Variants in KLF8 observed in about 807,000 individuals in gnomAD.
KLF8 encodes the protein KLF transcription factor 8, also known as Krueppel-like factor 8.
KLF8 carries 10 observed loss-of-function variants against 18.2 expected under a neutral mutation model. The ratio of observed to expected loss-of-function variants is 0.55; its 90% CI spans 0.34 to 0.93. KLF8 has a LOEUF of 0.93. KLF8 is among the 40% of genes least tolerant of loss of function. The pLI is 0.02. For missense variants in KLF8, 264 were observed against 277.9 expected, an observed-to-expected ratio of 0.95 and a Z score of 0.36; for synonymous variants, 109 against 97.3, an observed-to-expected ratio of 1.12 and a Z score of -0.71.
chrX:56,058,287 T>TATATATATATATAC, the KLF8 span, among the ~76,000 whole-genome samples: 3 of 40,533 alleles, frequency 7.4e-5, no homozygotes, highest in African/African-American at 2.1e-4. Flanking sequence ...TACATATATA[T>TATATATATATATAC]ATATATATAT....
the KLF8 span, among the ~76,000 whole-genome samples, chrX:55,967,373 GAAAC>G: frequency 6.4e-5 from 7 of 109,675 alleles, no homozygotes; most frequent in Non-Finnish European, 1.1e-4. Flanking sequence ...CAAGAGAAAA[GAAAC>G]AAATAATATA....
chrX:55,910,461 G>A, the KLF8 span, among the ~76,000 whole-genome samples: 7 of 111,471 alleles, frequency 6.3e-5, no homozygotes, highest in African/African-American at 2.3e-4. Flanking sequence ...GAGGGAGCCA[G>A]CCGTGAGAAT....
chrX:56,054,267 G>C, the KLF8 span, among the ~76,000 whole-genome samples: 10 of 111,491 alleles, frequency 9.0e-5, no homozygotes, highest in South Asian at 3.7e-3. Flanking sequence ...CTGTATTCTA[G>C]AGATTCTGGG....
At chrX:56,091,367 G>A in the KLF8 span, among the ~76,000 whole-genome samples, 482 of 111,150 alleles carry the variant, frequency 4.3e-3, 2 homozygotes, top group African/African-American at 0.014. Flanking sequence ...CTCCCCAGCC[G>A]TGTGGAACTG....
At chrX:56,098,249 T>C in the KLF8 span, among the ~76,000 whole-genome samples, 1 of 111,966 alleles carries the variant, frequency 8.9e-6, no homozygotes, top group African/African-American at 3.2e-5. Flanking sequence ...CTTGAACTTT[T>C]CCAGACATCA....
chrX:56,018,099 G>A, the KLF8 span, among the ~76,000 whole-genome samples: 1 of 111,175 alleles, frequency 9.0e-6, no homozygotes, highest in East Asian at 2.8e-4. Flanking sequence ...AACTATAGTG[G>A]CCCTATTGTG....
the KLF8 span, among the ~76,000 whole-genome samples, chrX:56,004,462 G>A: frequency 0.035 from 3,902 of 111,548 alleles, 153 homozygotes; most frequent in African/African-American, 0.12. Flanking sequence ...ATAATGACAG[G>A]TGCTTTTAGT....
the KLF8 span, among the ~76,000 whole-genome samples, chrX:56,187,560 G>C: frequency 9.0e-6 from 1 of 111,505 alleles, no homozygotes; most frequent in African/African-American, 3.3e-5. Flanking sequence ...GCCGGGCAGA[G>C]ACACAACCAA....
chrX:55,919,527 G>A, the KLF8 span, among the ~76,000 whole-genome samples: 2 of 111,653 alleles, frequency 1.8e-5, no homozygotes, highest in African/African-American at 3.2e-5. Context: ...TGATGTTGGC[G>A]GGGGCATGGG....
chrX:56,074,938 G>T, the KLF8 span: 1 of 111,178 alleles, frequency 9.0e-6, no homozygotes, highest in African/African-American at 3.3e-5. Flanking sequence ...TATATTTTAG[G>T]TATTCTTTAT....
Position 56,290,885 on chromosome X carries a change from C to T in KLF8, c.*6391C>T, listed in dbSNP as rs977168064. On this transcript the variant is annotated 3_prime_UTR_variant, in exon 6 of 6. Coordinates refer to ENST00000468660, the MANE Select transcript of KLF8 (RefSeq NM_007250.5). Reference sequence around the variant, plus strand: ...TCCTTTTCTGGTGTTGGGGTGGGGTCAGGGGAAGAGATACTATTTTGTTAA... The same window carrying T: ...TCCTTTTCTGGTGTTGGGGTGGGGTTAGGGGAAGAGATACTATTTTGTTAA... Among the ~76,000 whole-genome samples the T allele has an allele frequency of 1.8e-5, 2 of 111,234 alleles. No homozygotes were observed. Among genetic ancestry groups the T allele is most frequent in the African/African-American group, 3.3e-5 (1 of 30,519 alleles).
At chrX:56,049,545 C>T in the KLF8 span, among the ~76,000 whole-genome samples, 6 of 106,679 alleles carry the variant, frequency 5.6e-5, no homozygotes, top group African/African-American at 1.7e-4. Flanking sequence ...TTGTCTTTGG[C>T]TCTGTTTATA....
the KLF8 span, among the ~76,000 whole-genome samples, chrX:55,915,549 AC>A: frequency 8.9e-6 from 1 of 112,171 alleles, no homozygotes; most frequent in African/African-American, 3.2e-5. Context: ...TCAAGGGTTC[AC>A]AAGTCACATT....
chrX:55,942,085 C>G, the KLF8 span, among the ~76,000 whole-genome samples: 1 of 111,535 alleles, frequency 9.0e-6, no homozygotes, highest in Non-Finnish European at 1.9e-5. Flanking sequence ...GATTGTGGCA[C>G]TATTCACAAT....
chrX:55,960,315 A>C, the KLF8 span, among the ~76,000 whole-genome samples: 2 of 111,458 alleles, frequency 1.8e-5, no homozygotes, highest in Non-Finnish European at 3.8e-5. Context: ...TCAGGAGTTC[A>C]AAACCAGCCT....
upstream of KLF8, among the ~76,000 whole-genome samples, chrX:56,230,059 C>T (rs1331138229): frequency 8.9e-6 from 1 of 112,282 alleles, no homozygotes; most frequent in Admixed American, 9.4e-5. Context: ...ACAATAAAGA[C>T]TTTTAATAAA....
At chrX:56,073,378 A>G in the KLF8 span, among the ~76,000 whole-genome samples, 21 of 112,014 alleles carry the variant, frequency 1.9e-4, no homozygotes, top group Admixed American at 1.9e-3. Flanking sequence ...TGTATATAAC[A>G]CATTTTGTTT....
rs937253667 is a variant in KLF8, at chrX:56,285,312, A to G, written c.*818A>G. 4 of 111,973 alleles carry G rather than the reference A, an allele frequency of 3.6e-5. No homozygotes were observed. Among genetic ancestry groups the G allele is most frequent in the Non-Finnish European group, 7.5e-5 (4 of 53,264 alleles). 9.2% of individuals were successfully genotyped at this position (111,973 alleles called of 1,213,427 possible). A position where few individuals can be genotyped will look rare whatever the true frequency, so the allele number is the denominator to read the frequency against. On this transcript the variant is annotated 3_prime_UTR_variant, in exon 6 of 6. Transcript: ENST00000468660. ...AAGGAGAAAAATGTTCCAGGAGAGT[A>G]GGTTGGGCAGTGACAGGAACAAACA...
chrX:55,960,141 A>G, the KLF8 span, among the ~76,000 whole-genome samples: 2 of 112,277 alleles, frequency 1.8e-5, no homozygotes, highest in Non-Finnish European at 3.8e-5. Flanking sequence ...ATCCTGCCAA[A>G]CTAAGCTTCA....
Sources: allele counts gnomAD v4.1 joint callset (sites outside exome capture counted in the v4.1 genomes callset), GRCh38; gene constraint gnomAD v4.1.1; transcripts MANE v1.5; gene names NCBI Gene and HGNC (gene_info 2026-07-23, HGNC 2026-07-21).